Variants in TNFRSF17 observed in about 807,000 individuals in gnomAD.
TNFRSF17 encodes tumor necrosis factor receptor superfamily member 17.
TNFRSF17 carries 13 observed loss-of-function variants against 9.9 expected under a neutral mutation model. That is an observed-to-expected ratio of 1.31 (90% CI 0.85 to 2.08). The LOEUF (loss-of-function observed/expected upper bound fraction) is 2.08. Among genes scored for constraint, TNFRSF17 ranks in the 30% most tolerant of loss-of-function variants. The pLI, the probability that TNFRSF17 is intolerant of heterozygous loss-of-function variation, is 0.00. For synonymous variants in TNFRSF17, 99 were observed against 83.7 expected (o/e 1.18, Z -1.00); for missense variants, 305 against 225.8 (o/e 1.35, Z -2.25).
chr16:11,966,306 A>G lies in TNFRSF17; in HGVS notation c.242A>G (p.Asn81Ser), dbSNP rs373496. The change falls in exon 2 of 3, where the codon AAC becomes AGC. Residue 81 changes from asparagine to serine, a missense_variant. By Grantham distance (46) the Asn-to-Ser change is conservative. Coordinates refer to ENST00000053243, the MANE Select transcript of TNFRSF17 (RefSeq NM_001192.3). Reference sequence around the variant, plus strand: ...CTAATGTTTTTGCTAAGGAAGATAAACTCTGAACCATTAAAGGACGAGTTT... The same window carrying G: ...CTAATGTTTTTGCTAAGGAAGATAAGCTCTGAACCATTAAAGGACGAGTTT... ...FVLMFLLRKI[N>S]SEPLKDEFKN... The G allele has an allele frequency of 0.98, 1,586,922 of 1,613,932 alleles. 780,504 individuals carry two copies. Among genetic ancestry groups the G allele is most frequent in the East Asian group, 1 (44,841 of 44,870 alleles).
chr16:11,967,127 A>G, intron 2 of TNFRSF17: 1 of 195,044 alleles, frequency 5.1e-6, no homozygotes, highest in South Asian at 7.4e-5. Context: ...CAGCCTCCTG[A>G]GTAACTGGGA....
chr16:11,966,214 A>T lies in TNFRSF17; in HGVS notation c.150A>T (p.Lys50Asn). 2 of 1,613,542 alleles carry T rather than the reference A, an allele frequency of 1.2e-6. No individual in the cohort carries two copies. The highest frequency in any genetic ancestry group is 1.7e-4 in the Middle Eastern group (1 of 6,056). The stretch of plus-strand genomic sequence containing the variant: ...ATAAAGGTGTGACCAATTCAGTGAA[A>T]GGAACGAATGCGATTCTCTGGACCT... ...YCNASVTNSV[K>N]GTNAILWTCL... The change falls in exon 2 of 3, where the codon AAA (lysine) becomes AAT (asparagine). Residue 50 changes from lysine to asparagine, a missense_variant. Transcript: ENST00000053243.
chr16:11,967,440 T>G, intron 2 of TNFRSF17, 130 bp from the exon 3 acceptor site: 1 of 930,226 alleles, frequency 1.1e-6, no homozygotes, highest in Non-Finnish European at 1.6e-6. Flanking sequence ...GGCAACACAG[T>G]AAGACCCCAC....
chr16:11,967,541 G>C (rs539740956), intron 2 of TNFRSF17, 29 bp from the exon 3 acceptor site: 3 of 1,598,262 alleles, frequency 1.9e-6, no homozygotes, highest in Admixed American at 1.7e-5. Flanking sequence ...GTGAAGTTTG[G>C]GTTAATGTTT....
intron 1 of TNFRSF17, 36 bp downstream of exon 1, chr16:11,965,490 T>C (rs2150939792): frequency 6.2e-7 from 1 of 1,608,330 alleles, no homozygotes; most frequent in Middle Eastern, 1.7e-4. Flanking sequence ...TTCATTGGTG[T>C]GAACTATTCT....
At position 11,967,911 on chromosome 16, in the gene TNFRSF17, G is replaced by C. The variant is rs1252395655; in HGVS notation, c.*64G>C. 3.2e-6 allele frequency: 5 copies of C among 1,554,836 alleles called. No individual in the cohort carries two copies. In the South Asian group the frequency reaches 3.6e-5, roughly 11 times the overall value. ...TTTTGTCAGAATAGATGATGTGTCA[G>C]ATCTCTTTAGGATGACTGTATTTTT... On this transcript the variant is annotated 3_prime_UTR_variant, in exon 3 of 3. Transcript: ENST00000053243.
chr16:11,966,323 G>A lies in TNFRSF17; in HGVS notation c.259G>A (p.Asp87Asn). The change falls in exon 2 of 3, where the codon GAC becomes AAC. Residue 87 changes from aspartate (D) to asparagine (N), a missense_variant. Asp to Asn is a conservative substitution (Grantham distance 23). Transcript: ENST00000053243. ...LRKINSEPLKDEFKNTGSGLL... is the reference protein window; with the variant it reads ...LRKINSEPLKNEFKNTGSGLL... ...GAAGATAAACTCTGAACCATTAAAGGACGAGTTTAAAAACACAGGTTGGTT... is the reference window on the plus strand; with the variant it reads ...GAAGATAAACTCTGAACCATTAAAGAACGAGTTTAAAAACACAGGTTGGTT... The A allele has an allele frequency of 6.2e-7, 1 of 1,612,540 alleles. No individual in the cohort carries two copies. Among genetic ancestry groups the A allele is most frequent in the Non-Finnish European group, 8.5e-7 (1 of 1,179,412 alleles).
Position 11,965,383 on chromosome 16 carries a change from C to T in TNFRSF17, c.59C>T (p.Ala20Val). ...GAATATTTTGACAGTTTGTTGCATG[C>T]TTGCATACCTTGTCAACTTCGATGT... ...QNEYFDSLLH[A>V]CIPCQLRCSS... Residue 20 changes from alanine (A) to valine (V), a missense_variant, in exon 1 of 3, where the codon GCT becomes GTT. By Grantham distance (64) the Ala-to-Val change is moderately conservative. Coordinates refer to ENST00000053243, the MANE Select transcript of TNFRSF17 (RefSeq NM_001192.3). 2 of 1,614,158 alleles carry T rather than the reference C, an allele frequency of 1.2e-6. No individual in the cohort carries two copies. Among genetic ancestry groups the T allele is most frequent in the South Asian group, 1.1e-5 (1 of 91,082 alleles).
chr16:11,967,567 T>G lies in TNFRSF17; in HGVS notation c.278-3T>G. On this transcript the variant is annotated splice_region_variant and splice_polypyrimidine_tract_variant and intron_variant, in intron 2 of 2. Transcript: ENST00000053243. ...GTTAATGTTTCCGTTTCTACATAATTAGGATCAGGTCTCCTGGGCATGGCT... is the reference window on the plus strand; with the variant it reads ...GTTAATGTTTCCGTTTCTACATAATGAGGATCAGGTCTCCTGGGCATGGCT... The G allele has an allele frequency of 1.9e-6, 3 of 1,608,318 alleles. No individual in the cohort carries two copies. Among genetic ancestry groups the G allele is most frequent in the Middle Eastern group, 1.7e-4 (1 of 6,040 alleles).
chr16:11,965,525 GA>G, intron 1 of TNFRSF17, 71 bp downstream of exon 1: 1 of 1,483,154 alleles, frequency 6.7e-7, no homozygotes. Flanking sequence ...CTTATTCAGA[GA>G]ATCAACATAA....
chr16:11,967,694 C>A lies in TNFRSF17; in HGVS notation c.402C>A (p.Ser134Arg), dbSNP rs770030639. Residue 134 changes from serine (S) to arginine (R), a missense_variant, in exon 3 of 3, where the codon AGC (serine) becomes AGA (arginine). Coordinates refer to ENST00000053243, the MANE Select transcript of TNFRSF17 (RefSeq NM_001192.3). ...GCACCTGTGAAGACTGCATCAAGAG[C>A]AAACCGAAGGTCGACTCTGACCATT... ...EECTCEDCIK[S>R]KPKVDSDHCF... The A allele has an allele frequency of 3.7e-6, 6 of 1,614,172 alleles. No individual in the cohort carries two copies. The South Asian group carries it at 6.6e-5, about 18-fold the overall frequency.
At position 11,967,786 on chromosome 16, in the gene TNFRSF17, G is replaced by T. The variant is rs11570159; in HGVS notation, c.494G>T (p.Cys165Phe). 1.2e-6 allele frequency: 2 copies of T among 1,614,214 alleles called. No individual in the cohort carries two copies. Among genetic ancestry groups the T allele is most frequent in the South Asian group, 1.1e-5 (1 of 91,088 alleles). ...ILVTTKTNDY[C>F]KSLPAALSAT... ...GTCACCACGAAAACGAATGACTATTGCAAGAGCCTGCCAGCTGCTTTGAGT... is the reference window on the plus strand; with the variant it reads ...GTCACCACGAAAACGAATGACTATTTCAAGAGCCTGCCAGCTGCTTTGAGT... Residue 165 changes from cysteine (C) to phenylalanine (F), a missense_variant, in exon 3 of 3, where the codon TGC (cysteine) becomes TTC (phenylalanine). Physicochemically the swap from Cys to Phe is radical, Grantham distance 205. Transcript: ENST00000053243.
In TNFRSF17 at chr16:11,967,504, G is replaced by A. The variant is rs1596507873; in HGVS notation, c.278-66G>A. On this transcript the variant is annotated intron_variant, in intron 2 of 2. Coordinates refer to ENST00000053243, the MANE Select transcript of TNFRSF17 (RefSeq NM_001192.3). ...ATTGCTTTGAGTCCCGATGTGTACT[G>A]CTAAGACTCTCATGACCACATTCTC... 27 of 1,518,350 alleles carry A rather than the reference G, an allele frequency of 1.8e-5. No homozygotes were observed. The East Asian group carries it at 5.4e-4, about 31-fold the overall frequency. 94.1% of individuals were successfully genotyped at this position (1,518,350 alleles called of 1,614,324 possible).
intron 2 of TNFRSF17, chr16:11,966,977 CATTTATTTATTTATTT>C (rs36230512): frequency 1.5e-4 from 25 of 161,626 alleles, no homozygotes; most frequent in Admixed American, 3.4e-4. Flanking sequence ...TTTCTGTATG[CATTTATTTATTTATTT>C]ATTTATTTAT....
chr16:11,967,991 A>G lies in TNFRSF17; in HGVS notation c.*144A>G. ...ACTGTGGAAACTCTTTATGTTAGAT[A>G]TATTTCTCTAGGTTACTGTTGGGAG... On this transcript the variant is annotated 3_prime_UTR_variant, in exon 3 of 3. Coordinates refer to ENST00000053243, the MANE Select transcript of TNFRSF17 (RefSeq NM_001192.3). 1.1e-6 allele frequency: 1 copy of G among 901,418 alleles called. No homozygotes were observed. The highest frequency in any genetic ancestry group is 2.7e-5 in the East Asian group (1 of 37,478). The allele number at this position is 901,418 out of a possible 1,614,324, so 55.8% of individuals were successfully genotyped here. A position where few individuals can be genotyped will look rare whatever the true frequency, so the allele number is the denominator to read the frequency against.
intron 1 of TNFRSF17, among the ~76,000 whole-genome samples, chr16:11,965,790 A>T (rs1385534573): frequency 1.3e-5 from 2 of 152,186 alleles, no homozygotes; most frequent in African/African-American, 4.8e-5. Flanking sequence ...AACAATCCAT[A>T]ATTCATTATT....
chr16:11,966,431 T>C, intron 2 of TNFRSF17, 90 bp downstream of exon 2: 1 of 1,358,414 alleles, frequency 7.4e-7, no homozygotes, highest in Non-Finnish European at 1.0e-6. Flanking sequence ...GTTGACTATT[T>C]CACTTCGTTA....
Position 11,965,426 on chromosome 16 carries a change from T to C in TNFRSF17, c.102T>C (p.Pro34=). ...TTCGATGTTCTTCTAATACTCCTCC[T>C]CTAACATGTCAGCGTTATTGTAATG... The part of the protein sequence containing the change: ...CQLRCSSNTP[P]LTCQRYCNAS... Residue 34 remains proline (P), a synonymous_variant, in exon 1 of 3, where the codon CCT becomes CCC. Coordinates refer to ENST00000053243, the MANE Select transcript of TNFRSF17 (RefSeq NM_001192.3). 6.2e-7 allele frequency: 1 copy of C among 1,614,100 alleles called. No individual in the cohort carries two copies. Among genetic ancestry groups the C allele is most frequent in the Non-Finnish European group, 8.5e-7 (1 of 1,180,010 alleles).
chr16:11,967,750 C>T lies in TNFRSF17; in HGVS notation c.458C>T (p.Ala153Val), dbSNP rs1468298371. The change falls in exon 3 of 3, where the codon GCA becomes GTA. Residue 153 changes from alanine to valine, a missense_variant. By Grantham distance (64) the Ala-to-Val change is moderately conservative (BLOSUM62 0). Transcript: ENST00000053243. Reference sequence around the variant, plus strand: ...CCACTCCCAGCTATGGAGGAAGGCGCAACCATTCTTGTCACCACGAAAACG... The same window carrying T: ...CCACTCCCAGCTATGGAGGAAGGCGTAACCATTCTTGTCACCACGAAAACG... Reference protein sequence around the residue: ...CFPLPAMEEGATILVTTKTND... With the variant: ...CFPLPAMEEGVTILVTTKTND... 1 of 1,614,202 alleles carries T rather than the reference C, an allele frequency of 6.2e-7. No homozygotes were observed. The highest frequency in any genetic ancestry group is 1.7e-5 in the Admixed American group (1 of 60,000).
Sources: allele counts gnomAD v4.1 joint callset (sites outside exome capture counted in the v4.1 genomes callset), GRCh38; gene constraint gnomAD v4.1.1; transcripts MANE v1.5; gene names NCBI Gene and HGNC (gene_info 2026-07-23, HGNC 2026-07-21).